The following TMEM132D variants were observed in gnomAD, a reference collection of about 807,000 sequenced individuals.
The protein encoded by TMEM132D is transmembrane protein 132D, also known as mature OL transmembrane protein.
Under a neutral mutation model 62.3 loss-of-function variants are expected in TMEM132D, and 21 were observed. The observed-to-expected ratio is 0.34, with a 90% CI of 0.24 to 0.49. The LOEUF is 0.49. TMEM132D is among the 20% of genes least tolerant of loss of function. The probability of loss-of-function intolerance (pLI) is 0.99; values close to 1 mark genes in which losing one functional copy is unlikely to be tolerated. For synonymous variants in TMEM132D, 621 were observed against 575.6 expected (o/e 1.08, Z -1.13); for missense variants, 1,346 against 1,402.8 (o/e 0.96, Z 0.65).
intron 2 of TMEM132D, among the ~76,000 whole-genome samples, chr12:129,534,355 T>C (rs1336187940): frequency 6.6e-6 from 1 of 152,030 alleles, no homozygotes; most frequent in African/African-American, 2.4e-5. Flanking sequence ...AAAACCTGCC[T>C]GGGGTTAAAG....
intron 2 of TMEM132D, among the ~76,000 whole-genome samples, chr12:129,568,602 T>A (rs1230236457): frequency 6.6e-6 from 1 of 152,236 alleles, no homozygotes; most frequent in Non-Finnish European, 1.5e-5. Context: ...GAGAGGCAGT[T>A]CATTTCTTAA....
intron 5 of TMEM132D, among the ~76,000 whole-genome samples, chr12:129,173,841 GC>G (rs1192421709): frequency 1.3e-5 from 2 of 152,068 alleles, no homozygotes; most frequent in Middle Eastern, 3.2e-3. Flanking sequence ...TCCCCCAGTT[GC>G]CAGCATTTTT....
At position 129,559,440 on chromosome 12, in the gene TMEM132D, C is replaced by T. The variant is rs150081048; in HGVS notation, c.969-28235G>A. 1.2e-3 allele frequency among the ~76,000 whole-genome samples: 184 copies of T among 152,242 alleles called. 3 individuals are homozygous for T. In the East Asian group the frequency reaches 0.034, roughly 28 times the overall value. The stretch of plus-strand genomic sequence containing the variant: ...GGGTCTAAAAGGAGACGAGAGGTCT[C>T]GTAGATGAACAATCACAGCACAACT... On this transcript the variant is annotated intron_variant, in intron 2 of 8. Transcript: ENST00000422113.
intron 1 of TMEM132D, among the ~76,000 whole-genome samples, chr12:129,898,863 A>T (rs896199583): frequency 2.0e-5 from 3 of 152,216 alleles, no homozygotes; most frequent in African/African-American, 7.2e-5. Context: ...GTTATGAAAT[A>T]GGAAAGGAGA....
chr12:129,143,504 CT>C (rs1876802829), intron 5 of TMEM132D, among the ~76,000 whole-genome samples: 2 of 152,284 alleles, frequency 1.3e-5, no homozygotes, highest in Admixed American at 6.5e-5. Flanking sequence ...GAATGAGGGT[CT>C]TTTGACCCAT....
intron 1 of TMEM132D, among the ~76,000 whole-genome samples, chr12:129,861,133 G>A (rs1168824674): frequency 6.6e-6 from 1 of 152,196 alleles, no homozygotes; most frequent in Non-Finnish European, 1.5e-5. Flanking sequence ...AGAAATCTGT[G>A]ACCATTCCAG....
At chr12:129,480,302 C>G (rs1874390580) in intron 3 of TMEM132D, among the ~76,000 whole-genome samples, 1 of 152,206 alleles carries the variant, frequency 6.6e-6, no homozygotes, top group African/African-American at 2.4e-5. Flanking sequence ...TGTGCAAACC[C>G]CTGTGGGCCA....
intron 3 of TMEM132D, among the ~76,000 whole-genome samples, chr12:129,477,471 C>A (rs1340115061): frequency 6.6e-6 from 1 of 152,190 alleles, no homozygotes; most frequent in Non-Finnish European, 1.5e-5. Flanking sequence ...CCAAAACTAT[C>A]TGCTCCTCTT....
At chr12:129,523,112 GCACACACACA>G (rs59081530) in intron 3 of TMEM132D, among the ~76,000 whole-genome samples, 2 of 151,480 alleles carry the variant, frequency 1.3e-5, no homozygotes, top group Non-Finnish European at 2.9e-5. Context: ...ACACGCACGT[GCACACACACA>G]CACACAGACA....
chr12:129,618,190 G>A (rs1316606137), intron 2 of TMEM132D, among the ~76,000 whole-genome samples: 1 of 152,206 alleles, frequency 6.6e-6, no homozygotes, highest in Non-Finnish European at 1.5e-5. Context: ...TCCTATTCCA[G>A]TAAGTTTTTA....
chr12:129,705,636 C>T (rs953399159), intron 1 of TMEM132D, among the ~76,000 whole-genome samples: 3 of 152,086 alleles, frequency 2.0e-5, no homozygotes, highest in African/African-American at 7.2e-5. Flanking sequence ...GAAAAGAACA[C>T]TGAAGCTTAT....
At chr12:129,141,021 C>T (rs192340945) in intron 5 of TMEM132D, among the ~76,000 whole-genome samples, 1 of 152,014 alleles carries the variant, frequency 6.6e-6, no homozygotes, top group African/African-American at 2.4e-5. Context: ...TATTAAAGGC[C>T]CTGCATTTTG....
At chr12:129,301,974 A>C (rs1363598008) in intron 4 of TMEM132D, among the ~76,000 whole-genome samples, 2 of 143,534 alleles carry the variant, frequency 1.4e-5, no homozygotes, top group Non-Finnish European at 3.0e-5. Flanking sequence ...TCTTTTCTTT[A>C]AAAAAAAAAA....
chr12:129,391,125 G>A (rs144412883), intron 3 of TMEM132D, among the ~76,000 whole-genome samples: 1,758 of 152,148 alleles, frequency 0.012, 15 homozygotes, highest in Non-Finnish European at 0.021. Flanking sequence ...ATCTTTTGTC[G>A]TTAATGCACT....
chr12:129,572,088 A>G (rs2137120108), intron 2 of TMEM132D, among the ~76,000 whole-genome samples: 1 of 152,300 alleles, frequency 6.6e-6, no homozygotes, highest in South Asian at 2.1e-4. Flanking sequence ...TCTACAGGAA[A>G]CTTCACTGCC....
intron 1 of TMEM132D, among the ~76,000 whole-genome samples, chr12:129,847,851 C>T (rs1018365027): frequency 6.6e-6 from 1 of 152,012 alleles, no homozygotes; most frequent in African/African-American, 2.4e-5. Flanking sequence ...GTGCGGAACC[C>T]CAAGGTTGCC....
intron 5 of TMEM132D, among the ~76,000 whole-genome samples, chr12:129,169,683 C>T (rs1266510036): frequency 3.3e-5 from 5 of 152,280 alleles, no homozygotes; most frequent in African/African-American, 1.2e-4. Flanking sequence ...AGACGAGGGG[C>T]TGAGCAGAAC....
intron 3 of TMEM132D, among the ~76,000 whole-genome samples, chr12:129,340,469 C>G (rs1386262420): frequency 6.6e-6 from 1 of 151,926 alleles, no homozygotes; most frequent in African/African-American, 2.4e-5. Context: ...CCCCCCACCC[C>G]ACAATAGGCC....
At chr12:129,693,784 T>TA (rs991647402) in intron 2 of TMEM132D, among the ~76,000 whole-genome samples, 9 of 152,198 alleles carry the variant, frequency 5.9e-5, no homozygotes, top group Non-Finnish European at 7.4e-5. Context: ...ATTATAATAG[T>TA]AAAAAAACAC....
Sources: gnomAD v4.1 joint callset for allele counts (sites outside exome capture counted in the v4.1 genomes callset) on GRCh38, gnomAD v4.1.1 for gene constraint, MANE v1.5 for transcripts, NCBI Gene and HGNC (gene_info 2026-07-23, HGNC 2026-07-21) for gene names.